Variants in MTHFD1L observed in about 807,000 individuals in gnomAD.
MTHFD1L encodes monofunctional C1-tetrahydrofolate synthase, mitochondrial.
Under a neutral mutation model 119.5 loss-of-function variants are expected in MTHFD1L, and 81 were observed. The ratio of observed to expected loss-of-function variants is 0.68; its 90% CI spans 0.57 to 0.82. The LOEUF is 0.82. Among genes scored for constraint, MTHFD1L ranks in the 40% least tolerant of loss-of-function variants. The pLI is 0.00. For missense variants in MTHFD1L, 1,125 were observed against 1,253.4 expected, an observed-to-expected ratio of 0.90 and a Z score of 1.55; for synonymous variants, 430 against 475.2, an observed-to-expected ratio of 0.90 and a Z score of 1.24.
intron 24 of MTHFD1L, among the ~76,000 whole-genome samples, chr6:151,026,368 T>C (rs1026416072): frequency 1.4e-4 from 22 of 152,226 alleles, no homozygotes; most frequent in Non-Finnish European, 2.8e-4. Context: ...TCTAGAGCCA[T>C]ACTGCCTGAT....
chr6:151,033,183 G>A (rs558167228), intron 24 of MTHFD1L, among the ~76,000 whole-genome samples: 14 of 151,306 alleles, frequency 9.3e-5, no homozygotes, highest in Admixed American at 5.3e-4. Context: ...GCAGTGGCGC[G>A]ATCTTGGCTC....
chr6:151,078,695 G>A (rs1049700174), intron 26 of MTHFD1L, among the ~76,000 whole-genome samples: 7 of 152,066 alleles, frequency 4.6e-5, no homozygotes, highest in African/African-American at 7.3e-5. Context: ...TTCACAGCAT[G>A]GCAGCTTATT....
At chr6:151,088,623 A>ATTT (rs71014539) in intron 26 of MTHFD1L, among the ~76,000 whole-genome samples, 39,624 of 128,338 alleles carry the variant, frequency 0.31, 7,125 homozygotes, top group East Asian at 0.55. Flanking sequence ...CACCCAGCTA[A>ATTT]TTTTTTTTTT....
intron 26 of MTHFD1L, among the ~76,000 whole-genome samples, chr6:151,040,646 C>T (rs1461553168): frequency 6.6e-6 from 1 of 152,152 alleles, no homozygotes; most frequent in Non-Finnish European, 1.5e-5. Context: ...TTTGAGGCTA[C>T]AGTGAGCTAT....
intron 25 of MTHFD1L, among the ~76,000 whole-genome samples, chr6:151,035,456 C>T (rs1487742858): frequency 1.3e-5 from 2 of 152,134 alleles, no homozygotes; most frequent in South Asian, 2.1e-4. Context: ...TAAATGCTGC[C>T]GTTGCCAGCC....
chr6:150,902,475 A>G (rs1305987170), intron 7 of MTHFD1L, among the ~76,000 whole-genome samples: 1 of 152,210 alleles, frequency 6.6e-6, no homozygotes, highest in African/African-American at 2.4e-5. Flanking sequence ...ATTTGGGAGG[A>G]GGAAAATAGG....
At chr6:150,972,146 C>G in intron 20 of MTHFD1L, 88 bp downstream of exon 20, 1 of 1,134,806 alleles carries the variant, frequency 8.8e-7, no homozygotes, top group East Asian at 2.5e-5. Flanking sequence ...TCCATCCTGA[C>G]ATGAAACATA....
At chr6:150,972,188 T>C in intron 20 of MTHFD1L, 130 bp downstream of exon 20, 2 of 766,860 alleles carry the variant, frequency 2.6e-6, no homozygotes, top group Non-Finnish European at 4.3e-6. Flanking sequence ...ATAGAGGGTC[T>C]CAATAATGGA....
chr6:151,032,480 G>A (rs934700579), intron 24 of MTHFD1L, among the ~76,000 whole-genome samples: 2 of 152,058 alleles, frequency 1.3e-5, no homozygotes, highest in Non-Finnish European at 2.9e-5. Flanking sequence ...ATCCGCCCCC[G>A]TGATCCAAAC....
At position 151,013,678 on chromosome 6, in the gene MTHFD1L, C is replaced by T. The variant is rs551527588; in HGVS notation, c.2266-101C>T. The T allele has an allele frequency of 7.3e-6, 8 of 1,091,162 alleles. No homozygotes were observed. The East Asian group carries it at 2.0e-4, about 28-fold the overall frequency. The allele number at this position is 1,091,162 out of a possible 1,614,324, so 67.6% of individuals were successfully genotyped here. On this transcript the variant is annotated intron_variant, in intron 21 of 27. Coordinates refer to ENST00000367321, the MANE Select transcript of MTHFD1L (RefSeq NM_015440.5). ...TTTAAAAGCACAAAACATAGAGGTA[C>T]ATTTCTAAAAATTGAATGTGATTAT...
chr6:150,866,623 C>A, intron 1 of MTHFD1L: 1 of 1,211,716 alleles, frequency 8.3e-7, no homozygotes, highest in Non-Finnish European at 1.0e-6. Context: ...CCGCTTTTCC[C>A]GGAACGGCAA....
Position 151,014,896 on chromosome 6 carries a change from C to G in MTHFD1L, c.2324C>G (p.Ala775Gly). ...EYTEENIQLV[A>G]DGCCNLQKQI... Reference sequence around the variant, plus strand: ...TTTTTACAGAACATCCAGCTGGTGGCAGACGGCTGCTGTAACCTCCAGAAG... The same window carrying G: ...TTTTTACAGAACATCCAGCTGGTGGGAGACGGCTGCTGTAACCTCCAGAAG... Residue 775 changes from alanine to glycine, a missense_variant, in exon 23 of 28, where the codon GCA (alanine) becomes GGA (glycine). Ala to Gly is a moderately conservative substitution (Grantham distance 60, BLOSUM62 0). This residue lies in a region of MTHFD1L where 1,058 missense variants were observed against 1,151.2 expected (regional missense o/e 0.92). Coordinates refer to ENST00000367321, the MANE Select transcript of MTHFD1L (RefSeq NM_015440.5). The G allele has an allele frequency of 6.2e-7, 1 of 1,614,064 alleles. No homozygotes were observed. Among genetic ancestry groups the G allele is most frequent in the Non-Finnish European group, 8.5e-7 (1 of 1,179,974 alleles).
chr6:151,079,400 C>T (rs1792894779), intron 26 of MTHFD1L, among the ~76,000 whole-genome samples: 2 of 151,980 alleles, frequency 1.3e-5, no homozygotes, highest in East Asian at 3.9e-4. Flanking sequence ...GTGGGAATGC[C>T]ACTGGGGGCA....
At chr6:150,888,274 A>G (rs1034882483) in intron 7 of MTHFD1L, among the ~76,000 whole-genome samples, 1 of 152,230 alleles carries the variant, frequency 6.6e-6, no homozygotes. Flanking sequence ...TATGAGTGCC[A>G]AAACCAAAGA....
chr6:150,921,347 G>A (rs541243192), intron 9 of MTHFD1L, among the ~76,000 whole-genome samples: 3 of 152,132 alleles, frequency 2.0e-5, no homozygotes, highest in Admixed American at 6.5e-5. Flanking sequence ...TCGAACTCCC[G>A]ACCTCAGTTG....
intron 9 of MTHFD1L, among the ~76,000 whole-genome samples, chr6:150,921,939 G>T (rs186056385): frequency 5.8e-4 from 88 of 152,278 alleles, no homozygotes; most frequent in Non-Finnish European, 2.2e-4. Context: ...TTAAGAAACA[G>T]AGCAGCTTCT....
intron 24 of MTHFD1L, among the ~76,000 whole-genome samples, chr6:151,021,345 C>T (rs559257431): frequency 1.3e-5 from 2 of 152,140 alleles, no homozygotes; most frequent in East Asian, 1.9e-4. Flanking sequence ...GCCAGGAGTT[C>T]GAGACCAGCC....
At chr6:151,049,764 T>C (rs1788726869) in intron 26 of MTHFD1L, among the ~76,000 whole-genome samples, 1 of 151,352 alleles carries the variant, frequency 6.6e-6, no homozygotes, top group Admixed American at 6.6e-5. Flanking sequence ...TTTACAGAGG[T>C]GTTATGATAT....
chr6:151,011,296 T>C (rs933695497), intron 21 of MTHFD1L, among the ~76,000 whole-genome samples: 1 of 152,240 alleles, frequency 6.6e-6, no homozygotes, highest in African/African-American at 2.4e-5. Context: ...ATTTTAGACA[T>C]TGAATCTGTA....
Sources: gnomAD v4.1 joint callset for allele counts (sites outside exome capture counted in the v4.1 genomes callset) on GRCh38, gnomAD v4.1.1 for gene constraint, gnomAD v4.1.1 regional missense constraint, MANE v1.5 for transcripts, NCBI Gene and HGNC (gene_info 2026-07-23, HGNC 2026-07-21) for gene names.